Variants in SYNGR1 observed in about 807,000 individuals in gnomAD.
SYNGR1 encodes synaptogyrin-1.
A neutral mutation model predicts 26.1 loss-of-function variants in SYNGR1; 14 were observed. That is an observed-to-expected ratio of 0.54 (90% CI 0.35 to 0.84). The LOEUF (loss-of-function observed/expected upper bound fraction) is 0.84. Ranked by LOEUF, SYNGR1 falls within the 40% of genes least tolerant of loss-of-function variation. The pLI, the probability that SYNGR1 is intolerant of heterozygous loss-of-function variation, is 0.01. For missense variants in SYNGR1, 319 were observed against 332.9 expected (o/e 0.96, Z 0.33); for synonymous variants, 141 against 150.1 (o/e 0.94, Z 0.44).
chr22:39,377,468 T>C, intron 3 of SYNGR1: 1 of 1,529,736 alleles, frequency 6.5e-7, no homozygotes, highest in Non-Finnish European at 8.8e-7. Context: ...AGAGGAGTAG[T>C]GGATGATTTC....
chr22:39,351,501 G>C (rs931667154), intron 1 of SYNGR1, among the ~76,000 whole-genome samples: 8 of 152,228 alleles, frequency 5.3e-5, no homozygotes, highest in Non-Finnish European at 1.0e-4. Flanking sequence ...TCATTTATCT[G>C]TGCCAGTCTC....
chr22:39,375,672 C>T, intron 2 of SYNGR1: 1 of 565,468 alleles, frequency 1.8e-6, no homozygotes, highest in Non-Finnish European at 3.1e-6. Flanking sequence ...ACCGGGGGGG[C>T]CCACGTCAGC....
At position 39,380,162 on chromosome 22, in the gene SYNGR1, T is replaced by TG. The variant is rs1013262024; in HGVS notation, c.484-1533dup. 27 of 70,330 alleles carry TG rather than the reference T, an allele frequency of 3.8e-4. No individual in the cohort carries two copies. In the South Asian group the frequency reaches 8.6e-3, roughly 22 times the overall value. 4.4% of individuals were successfully genotyped at this position (70,330 alleles called of 1,614,324 possible). A position where few individuals can be genotyped will look rare whatever the true frequency, so the allele number is the denominator to read the frequency against. ...CAAGTCTTTCCCAATCTGAGATCTG[T>TG]GAAAAAAAAAAAAAAAACGGGGCGG... On this transcript the variant is annotated intron_variant, in intron 3 of 3. Coordinates refer to ENST00000328933, the MANE Select transcript of SYNGR1 (RefSeq NM_004711.5).
Position 39,382,386 on chromosome 22 carries a change from C to T in SYNGR1, c.*472C>T, listed in dbSNP as rs902960000. ...GTCATAGGGTGAGTGTAAACACCCA[C>T]AGGACACTGGGGGCTGTCACCCTGC... On this transcript the variant is annotated 3_prime_UTR_variant, in exon 4 of 4. Transcript: ENST00000328933. 2.4e-5 allele frequency: 5 copies of T among 212,646 alleles called. No individual in the cohort carries two copies. Among genetic ancestry groups the T allele is most frequent in the African/African-American group, 1.1e-4 (5 of 44,092 alleles). The allele number at this position is 212,646 out of a possible 1,614,324, so 13.2% of individuals were successfully genotyped here. A position where few individuals can be genotyped will look rare whatever the true frequency, so the allele number is the denominator to read the frequency against.
chr22:39,381,336 G>T (rs184844057), intron 3 of SYNGR1, among the ~76,000 whole-genome samples: 1 of 152,164 alleles, frequency 6.6e-6, no homozygotes, highest in African/African-American at 2.4e-5. Flanking sequence ...CCTTTGTCCC[G>T]CTGAGAAGCT....
intron 1 of SYNGR1, among the ~76,000 whole-genome samples, chr22:39,351,631 C>T (rs1035025004): frequency 6.6e-6 from 1 of 152,272 alleles, no homozygotes; most frequent in Non-Finnish European, 1.5e-5. Flanking sequence ...GGCCTCTGGC[C>T]TGGAAGGGCG....
At position 39,374,474 on chromosome 22, in the gene SYNGR1, G is replaced by A. The variant is rs137867913; in HGVS notation, c.258G>A (p.Leu86=). The change falls in exon 2 of 4, where the codon CTG becomes CTA. Residue 86 remains leucine, a synonymous_variant. Coordinates refer to ENST00000328933, the MANE Select transcript of SYNGR1 (RefSeq NM_004711.5). ...VLAFLTCLLY[L]ALDVYFPQIS... ...CCTTCCTCACCTGCCTGCTGTACCT[G>A]GCCCTGGACGTGTACTTCCCGCAGA... 4 of 1,613,804 alleles carry A rather than the reference G, an allele frequency of 2.5e-6. No homozygotes were observed. In the African/African-American group the frequency reaches 5.3e-5, roughly 22 times the overall value.
rs1923829103 is a variant in SYNGR1 at position 39,350,140 on chromosome 22, G to A, written c.99+31G>A. 7.3e-7 allele frequency: 1 copy of A among 1,373,406 alleles called. No homozygotes were observed. Among genetic ancestry groups the A allele is most frequent in the African/African-American group, 1.5e-5 (1 of 66,336 alleles). 85.1% of individuals were successfully genotyped at this position (1,373,406 alleles called of 1,614,324 possible). On this transcript the variant is annotated intron_variant, in intron 1 of 3. Transcript: ENST00000328933. The surrounding 1 kb of genome is among the most constrained non-coding windows in gnomAD (Gnocchi z 4.3). ...GACGGACTGGCCGACGGCTCTGCCAGGCCGGGGTGGTGGGGGTGTGAGCAA... is the reference window on the plus strand; with the variant it reads ...GACGGACTGGCCGACGGCTCTGCCAAGCCGGGGTGGTGGGGGTGTGAGCAA...
intron 1 of SYNGR1, among the ~76,000 whole-genome samples, chr22:39,366,912 G>A (rs1924786620): frequency 6.6e-6 from 1 of 152,172 alleles, no homozygotes; most frequent in South Asian, 2.1e-4. Flanking sequence ...TTCCTCGCCA[G>A]CCTCGCCTCT....
rs150979238 is a variant in SYNGR1 at position 39,381,661 on chromosome 22, C to T, written c.484-35C>T. Reference sequence around the variant, plus strand: ...TGTCTCTCCCCTAACCACCCCCTCCCGCCTGTCCTTGTCCTCGCCGGCCTT... The same window carrying T: ...TGTCTCTCCCCTAACCACCCCCTCCTGCCTGTCCTTGTCCTCGCCGGCCTT... On this transcript the variant is annotated intron_variant, in intron 3 of 3. Coordinates refer to ENST00000328933, the MANE Select transcript of SYNGR1 (RefSeq NM_004711.5). The T allele has an allele frequency of 5.3e-4, 861 of 1,611,122 alleles. 2 individuals are homozygous for T. In the African/African-American group the frequency reaches 9.9e-3, roughly 19 times the overall value.
At chr22:39,376,931 C>CCCTG in intron 3 of SYNGR1, 1 of 1,545,776 alleles carries the variant, frequency 6.5e-7, no homozygotes, top group Admixed American at 2.0e-5. Context: ...GCCCAGCAGG[C>CCCTG]CCTGGGCTGG....
rs200739757 is a variant in SYNGR1 at position 39,377,039 on chromosome 22, T to C, written c.483+842T>C. On this transcript the variant is annotated intron_variant, in intron 3 of 3. Transcript: ENST00000328933. ...GAGATCTGGGGCCACATCACCTCCATAGCCCCATCCCAAGAGCCCTCCCCA... is the reference window on the plus strand; with the variant it reads ...GAGATCTGGGGCCACATCACCTCCACAGCCCCATCCCAAGAGCCCTCCCCA... 1,423 of 1,550,928 alleles carry C rather than the reference T, an allele frequency of 9.2e-4. 12 individuals are homozygous for C. In the African/African-American group the frequency reaches 0.018, roughly 19 times the overall value.
chr22:39,371,248 G>A (rs999203118), intron 1 of SYNGR1, among the ~76,000 whole-genome samples: 1 of 150,886 alleles, frequency 6.6e-6, no homozygotes, highest in African/African-American at 2.4e-5. Flanking sequence ...AGGCCGAGGT[G>A]GGCAGATCAC....
intron 3 of SYNGR1, chr22:39,377,594 G>A: frequency 6.2e-7 from 1 of 1,613,470 alleles, no homozygotes; most frequent in Non-Finnish European, 8.5e-7. Context: ...CTCTCTCCTG[G>A]CAGAGCCTGA....
intron 3 of SYNGR1, among the ~76,000 whole-genome samples, chr22:39,380,401 A>G (rs573209975): frequency 6.6e-6 from 1 of 152,222 alleles, no homozygotes; most frequent in Admixed American, 6.5e-5. Context: ...TCGGTGACCC[A>G]GGCATCTTTC....
intron 1 of SYNGR1, among the ~76,000 whole-genome samples, chr22:39,369,501 C>G (rs959433560): frequency 3.9e-5 from 6 of 152,286 alleles, no homozygotes; most frequent in Admixed American, 3.3e-4. Flanking sequence ...GGTCCTCTGC[C>G]TGATCCCTTG....
At position 39,383,625 on chromosome 22, in the gene SYNGR1, C is replaced by G. The variant is rs188093562; in HGVS notation, c.*1711C>G. 6.5e-6 allele frequency: 1 copy of G among 152,806 alleles called. No individual in the cohort carries two copies. Among genetic ancestry groups the G allele is most frequent in the Admixed American group, 6.5e-5 (1 of 15,288 alleles). 9.5% of individuals were successfully genotyped at this position (152,806 alleles called of 1,614,324 possible). A position where few individuals can be genotyped will look rare whatever the true frequency, so the allele number is the denominator to read the frequency against. On this transcript the variant is annotated 3_prime_UTR_variant, in exon 4 of 4. Coordinates refer to ENST00000328933, the MANE Select transcript of SYNGR1 (RefSeq NM_004711.5). ...CTGGGTGTTTTCACCACCATCCCCC[C>G]ATCCCCCATCTAAGAATCCTAAGAG...
chr22:39,374,592 A>T (rs4821888), intron 2 of SYNGR1, 39 bp downstream of exon 2: 100 of 1,605,232 alleles, frequency 6.2e-5, no homozygotes, highest in Non-Finnish European at 8.3e-5. Flanking sequence ...CACAGAGTCT[A>T]CAGAGGGCTG....
intron 3 of SYNGR1, among the ~76,000 whole-genome samples, chr22:39,376,441 G>A (rs941483260): frequency 1.4e-5 from 2 of 142,050 alleles, no homozygotes; most frequent in African/African-American, 5.4e-5. Flanking sequence ...GTGCAGAGCA[G>A]CCTTCCTGGG....
Sources: gnomAD v4.1 joint callset for allele counts (sites outside exome capture counted in the v4.1 genomes callset) on GRCh38, gnomAD v4.1.1 for gene constraint, Gnocchi (gnomAD v3.1) non-coding constraint, MANE v1.5 for transcripts, NCBI Gene and HGNC (gene_info 2026-07-23, HGNC 2026-07-21) for gene names.